Variants in FANK1 observed in about 807,000 individuals in gnomAD.
The protein encoded by FANK1 is fibronectin type III and ankyrin repeat domains 1.
In FANK1, 44 loss-of-function variants were observed where a neutral mutation model predicts 45.3. The observed-to-expected ratio is 0.97, with a 90% CI of 0.76 to 1.25. The LOEUF is 1.25. Among genes scored for constraint, FANK1 ranks in the 50% most tolerant of loss-of-function variants. The pLI, the probability that FANK1 is intolerant of heterozygous loss-of-function variation, is 0.00. For synonymous variants in FANK1, 149 were observed against 152.5 expected (o/e 0.98, Z 0.17); for missense variants, 391 against 424.4 (o/e 0.92, Z 0.69).
intron 1 of FANK1, among the ~76,000 whole-genome samples, chr10:125,929,022 A>C (rs1311449104): frequency 6.6e-6 from 1 of 152,194 alleles, no homozygotes; most frequent in Non-Finnish European, 1.5e-5. Flanking sequence ...AAGGTTCGAT[A>C]ATTTGAGTCT....
intron 1 of FANK1, among the ~76,000 whole-genome samples, chr10:125,930,177 C>T (rs1321531380): frequency 6.6e-6 from 1 of 151,966 alleles, no homozygotes; most frequent in Non-Finnish European, 1.5e-5. Flanking sequence ...GCCTCAGCCT[C>T]CTGAATAGCT....
At chr10:125,897,613 A>G (rs150684338) in intron 1 of FANK1, among the ~76,000 whole-genome samples, 3,672 of 136,134 alleles carry the variant, frequency 0.027, no homozygotes, top group African/African-American at 0.14. Flanking sequence ...TTCCACCAAG[A>G]AAGTTTCAAA....
chr10:125,994,652 G>A (rs1409585873), intron 3 of FANK1: 25 of 985,286 alleles, frequency 2.5e-5, no homozygotes, highest in Non-Finnish European at 2.7e-5. Context: ...ATCAGAAGGT[G>A]TAGAATAAAG....
At chr10:125,936,897 A>G (rs567925994) in intron 1 of FANK1, among the ~76,000 whole-genome samples, 3 of 152,002 alleles carry the variant, frequency 2.0e-5, no homozygotes, top group African/African-American at 4.8e-5. Context: ...GAGAAACCCC[A>G]TCTCCACTAA....
chr10:125,942,918 A>G (rs936619759), intron 1 of FANK1, among the ~76,000 whole-genome samples: 1 of 151,618 alleles, frequency 6.6e-6, no homozygotes, highest in South Asian at 2.1e-4. Flanking sequence ...GGTTCCAGCA[A>G]TTCTCCTGCC....
chr10:125,936,202 CTT>C (rs1476235209), intron 1 of FANK1, among the ~76,000 whole-genome samples: 2 of 152,182 alleles, frequency 1.3e-5, no homozygotes, highest in Admixed American at 6.5e-5. Context: ...TAGCTTGACA[CTT>C]TTGAATCTAA....
intron 1 of FANK1, among the ~76,000 whole-genome samples, chr10:125,944,896 G>A (rs944001293): frequency 3.9e-5 from 6 of 152,202 alleles, no homozygotes; most frequent in African/African-American, 1.4e-4. Flanking sequence ...TCTGAAGGCT[G>A]CGAGACCCCT....
chr10:125,970,683 G>T (rs376592156), intron 1 of FANK1, among the ~76,000 whole-genome samples: 1 of 152,194 alleles, frequency 6.6e-6, no homozygotes, highest in South Asian at 2.1e-4. Context: ...GCGTGACAGC[G>T]CGCGCCTGCA....
chr10:125,902,296 G>T (rs1012496714), intron 1 of FANK1, among the ~76,000 whole-genome samples: 2 of 152,094 alleles, frequency 1.3e-5, no homozygotes, highest in Non-Finnish European at 2.9e-5. Flanking sequence ...TTCTTCACTC[G>T]ACTGTAGGGT....
At chr10:125,903,289 A>G (rs1393951870) in intron 1 of FANK1, among the ~76,000 whole-genome samples, 3 of 152,392 alleles carry the variant, frequency 2.0e-5, no homozygotes, top group East Asian at 1.9e-4. Context: ...ACATGCAGAC[A>G]GTGGTGCAAA....
At chr10:125,929,273 A>G (rs893391133) in intron 1 of FANK1, among the ~76,000 whole-genome samples, 1 of 152,188 alleles carries the variant, frequency 6.6e-6, no homozygotes, top group Non-Finnish European at 1.5e-5. Flanking sequence ...TTATGCAGAA[A>G]AAAGTCCCTC....
chr10:125,930,059 CTT>C (rs1947645609), intron 1 of FANK1, among the ~76,000 whole-genome samples: 1 of 152,126 alleles, frequency 6.6e-6, no homozygotes, highest in Non-Finnish European at 1.5e-5. Context: ...AAATGACCAT[CTT>C]TTCTTTTTTT....
At chr10:125,989,158 A>G in intron 3 of FANK1, 1 of 818,480 alleles carries the variant, frequency 1.2e-6, no homozygotes. Flanking sequence ...TGCTGCATCC[A>G]CGGAGAATCC....
intron 6 of FANK1, among the ~76,000 whole-genome samples, chr10:125,998,421 A>C (rs1952505912): frequency 6.6e-6 from 1 of 152,226 alleles, no homozygotes; most frequent in Non-Finnish European, 1.5e-5. Flanking sequence ...TTTCCAAATA[A>C]CTCATAGGTT....
intron 1 of FANK1, among the ~76,000 whole-genome samples, chr10:125,928,451 T>C (rs10901471): frequency 0.43 from 64,349 of 151,388 alleles, 13,879 homozygotes; most frequent in African/African-American, 0.47. Context: ...GCAAGGTCAT[T>C]ATGACCTGTA....
At chr10:125,984,168 C>G (rs748629003) in intron 2 of FANK1, among the ~76,000 whole-genome samples, 44 of 152,222 alleles carry the variant, frequency 2.9e-4, no homozygotes, top group Non-Finnish European at 5.0e-4. Flanking sequence ...AGCAGTGATT[C>G]CCTCCTACAC....
At chr10:125,994,650 G>C in intron 3 of FANK1, 1 of 985,410 alleles carries the variant, frequency 1.0e-6, no homozygotes, top group Non-Finnish European at 1.2e-6. Context: ...AAATCAGAAG[G>C]TGTAGAATAA....
At chr10:125,949,465 T>C (rs1252211303) in intron 1 of FANK1, among the ~76,000 whole-genome samples, 1 of 152,144 alleles carries the variant, frequency 6.6e-6, no homozygotes, top group African/African-American at 2.4e-5. Context: ...AGTATTCTTA[T>C]ACACCAACAA....
chr10:125,981,021 T>C (rs1951173491), intron 2 of FANK1: 1 of 56,314 alleles, frequency 1.8e-5, no homozygotes, highest in South Asian at 7.1e-4. Context: ...GTTTGCTTAG[T>C]TTGTTTACCT....
Sources: allele counts gnomAD v4.1 joint callset (sites outside exome capture counted in the v4.1 genomes callset), GRCh38; gene constraint gnomAD v4.1.1; transcripts MANE v1.5; gene names NCBI Gene and HGNC (gene_info 2026-07-23, HGNC 2026-07-21).